HERPUD2: variants seen among roughly 807,000 people sequenced by gnomAD.
The protein encoded by HERPUD2 is HERPUD family member 2.
Under a neutral mutation model 49.9 loss-of-function variants are expected in HERPUD2, and 13 were observed. That is an observed-to-expected ratio of 0.26 (90% CI 0.17 to 0.41). The LOEUF is 0.41. Among genes scored for constraint, HERPUD2 ranks in the 10% least tolerant of loss-of-function variants. The pLI is 1.00. For missense variants in HERPUD2, 449 were observed against 492.2 expected (o/e 0.91, Z 0.83); for synonymous variants, 172 against 171.4 (o/e 1.00, Z -0.03).
At chr7:35,668,834 A>G (rs1438329726) in intron 4 of HERPUD2, among the ~76,000 whole-genome samples, 1 of 152,158 alleles carries the variant, frequency 6.6e-6, no homozygotes, top group Non-Finnish European at 1.5e-5. Context: ...AGAAAAGCCT[A>G]GTCATTTGGC....
intron 5 of HERPUD2, among the ~76,000 whole-genome samples, chr7:35,661,956 T>A (rs905287200): frequency 6.6e-6 from 1 of 152,204 alleles, no homozygotes; most frequent in African/African-American, 2.4e-5. Context: ...TTGTGCCAGT[T>A]TTCAAAGGGA....
At chr7:35,663,476 TG>T (rs1163519434) in intron 5 of HERPUD2, among the ~76,000 whole-genome samples, 1 of 152,194 alleles carries the variant, frequency 6.6e-6, no homozygotes, top group Non-Finnish European at 1.5e-5. Flanking sequence ...TCTGTCTCGT[TG>T]ATCTGTCTAA....
intron 2 of HERPUD2, among the ~76,000 whole-genome samples, chr7:35,691,474 C>T (rs547987654): frequency 6.6e-6 from 1 of 152,304 alleles, no homozygotes; most frequent in African/African-American, 2.4e-5. Flanking sequence ...CCTCCACCTA[C>T]TCCTGACCCA....
At chr7:35,639,399 C>T (rs1288611319) in intron 5 of HERPUD2, among the ~76,000 whole-genome samples, 1 of 152,152 alleles carries the variant, frequency 6.6e-6, no homozygotes, top group Non-Finnish European at 1.5e-5. Context: ...TCAGTTTCCT[C>T]ACTTCTAAAA....
chr7:35,670,819 T>C (rs567314441), intron 3 of HERPUD2, among the ~76,000 whole-genome samples: 2 of 152,112 alleles, frequency 1.3e-5, no homozygotes, highest in African/African-American at 4.8e-5. Flanking sequence ...ATAACACCTA[T>C]ACGCAGATAT....
intron 2 of HERPUD2, among the ~76,000 whole-genome samples, chr7:35,689,553 T>G (rs2116053174): frequency 6.6e-6 from 1 of 152,330 alleles, no homozygotes. Flanking sequence ...GTAATGAAAG[T>G]AAGACTTCTG....
intron 3 of HERPUD2, among the ~76,000 whole-genome samples, chr7:35,671,408 C>G (rs75230480): frequency 0.013 from 2,031 of 152,070 alleles, 42 homozygotes; most frequent in East Asian, 0.072. Flanking sequence ...TCAGAGACAG[C>G]ATGACAGAAG....
At chr7:35,655,126 T>C (rs1328713506) in intron 5 of HERPUD2, among the ~76,000 whole-genome samples, 2 of 152,264 alleles carry the variant, frequency 1.3e-5, no homozygotes, top group East Asian at 3.9e-4. Flanking sequence ...GTGCTGGGAT[T>C]ACACGCATGA....
chr7:35,682,276 TACAC>T (rs1309971867), intron 2 of HERPUD2, among the ~76,000 whole-genome samples: 1 of 41,810 alleles, frequency 2.4e-5, no homozygotes, highest in African/African-American at 8.9e-5. Context: ...TATAGATATA[TACAC>T]ATACACACGT....
intron 2 of HERPUD2, 44 bp from the exon 3 acceptor site, chr7:35,673,322 G>T: frequency 2.1e-6 from 3 of 1,453,910 alleles, no homozygotes; most frequent in South Asian, 1.2e-5. Context: ...TTCTAATTAT[G>T]CAAATTGAAG....
intron 2 of HERPUD2, among the ~76,000 whole-genome samples, chr7:35,674,529 G>C (rs1397900152): frequency 1.3e-5 from 2 of 149,988 alleles, no homozygotes; most frequent in Non-Finnish European, 3.0e-5. Context: ...CTGCCGAACA[G>C]CTCCTAAAAT....
At chr7:35,681,836 G>A (rs2116014906) in intron 2 of HERPUD2, among the ~76,000 whole-genome samples, 1 of 152,226 alleles carries the variant, frequency 6.6e-6, no homozygotes, top group East Asian at 1.9e-4. Context: ...TAGCACACTG[G>A]AAGAAAAAAG....
At chr7:35,650,691 G>A (rs1014348757) in intron 5 of HERPUD2, among the ~76,000 whole-genome samples, 1 of 152,128 alleles carries the variant, frequency 6.6e-6, no homozygotes, top group Non-Finnish European at 1.5e-5. Context: ...GCATTTACAA[G>A]CACCCTGAGG....
In HERPUD2 at chr7:35,633,493, A is replaced by T; in HGVS notation, c.*197T>A. 2.9e-6 allele frequency: 1 copy of T among 340,318 alleles called. No individual in the cohort carries two copies. Among genetic ancestry groups the T allele is most frequent in the Non-Finnish European group, 5.3e-6 (1 of 188,330 alleles). The allele number at this position is 340,318 out of a possible 1,614,324, so 21.1% of individuals were successfully genotyped here. On this transcript the variant is annotated 3_prime_UTR_variant, in exon 9 of 9. Coordinates refer to ENST00000311350, the MANE Select transcript of HERPUD2 (RefSeq NM_022373.5). The stretch of plus-strand genomic sequence containing the variant: ...ACGCTATGTTCTGTTAGGATCTTTA[A>T]AAAAAAAAAAAAAAAACTCAGATAT...
At chr7:35,656,044 C>T (rs995776735) in intron 5 of HERPUD2, among the ~76,000 whole-genome samples, 4 of 152,110 alleles carry the variant, frequency 2.6e-5, no homozygotes, top group African/African-American at 9.7e-5. Context: ...CACCTGTAAT[C>T]CCACTTACTT....
intron 2 of HERPUD2, among the ~76,000 whole-genome samples, chr7:35,693,338 G>A (rs796612611): frequency 6.6e-6 from 1 of 152,142 alleles, no homozygotes; most frequent in Non-Finnish European, 1.5e-5. Context: ...ATGTTGAAAG[G>A]GGTTGTGGTG....
At chr7:35,692,367 G>A (rs1786212486) in intron 2 of HERPUD2, among the ~76,000 whole-genome samples, 1 of 152,148 alleles carries the variant, frequency 6.6e-6, no homozygotes, top group Non-Finnish European at 1.5e-5. Context: ...GTCCCTTTTG[G>A]TTTAATAGTA....
intron 2 of HERPUD2, among the ~76,000 whole-genome samples, chr7:35,681,552 CA>C (rs35619081): frequency 1.3e-5 from 2 of 151,158 alleles, no homozygotes; most frequent in Admixed American, 6.6e-5. Flanking sequence ...TCTTAATAGT[CA>C]AAAAAAAGTA....
At chr7:35,652,662 G>C (rs1196227293) in intron 5 of HERPUD2, among the ~76,000 whole-genome samples, 2 of 145,774 alleles carry the variant, frequency 1.4e-5, no homozygotes, top group Non-Finnish European at 1.5e-5. Flanking sequence ...GAGAGGGTGG[G>C]AGAAAGGGAG....
Sources: allele counts gnomAD v4.1 joint callset (sites outside exome capture counted in the v4.1 genomes callset), GRCh38; gene constraint gnomAD v4.1.1; transcripts MANE v1.5; gene names NCBI Gene and HGNC (gene_info 2026-07-23, HGNC 2026-07-21).